Variants in NUP160 observed in about 807,000 individuals in gnomAD.
The protein encoded by NUP160 is nucleoporin 160, also known as nuclear pore complex protein Nup160.
Under a neutral mutation model 196.9 loss-of-function variants are expected in NUP160, and 94 were observed. The observed-to-expected ratio is 0.48, with a 90% confidence interval of 0.40 to 0.57. The LOEUF is 0.57. Ranked by LOEUF, NUP160 falls within the 20% of genes least tolerant of loss-of-function variation. The pLI, the probability that NUP160 is intolerant of heterozygous loss-of-function variation, is 0.00. For synonymous variants in NUP160, 605 were observed against 619.7 expected, an observed-to-expected ratio of 0.98 and a Z score of 0.35; for missense variants, 1,638 against 1,748.3, an observed-to-expected ratio of 0.94 and a Z score of 1.13.
In NUP160 at chr11:47,832,723, C is replaced by T. The variant is rs114131101; in HGVS notation, c.1101+2928G>A. 4.2e-3 allele frequency among the ~76,000 whole-genome samples: 638 copies of T among 152,338 alleles called. 1 individual carries two copies. Among genetic ancestry groups the T allele is most frequent in the African/African-American group, 0.015 (622 of 41,566 alleles). ...TCTGATTTGAGTTAACAGTAAAACT[C>T]CGGTCTCCTGTTTAGCTGGCTCTAT... On this transcript the variant is annotated intron_variant, in intron 7 of 35. Coordinates refer to ENST00000378460, the Ensembl canonical transcript of NUP160.
intron 5 of NUP160, 54 bp downstream of exon 5, chr11:47,837,491 T>G (rs531908407): frequency 7.3e-7 from 1 of 1,365,026 alleles, no homozygotes; most frequent in Non-Finnish European, 1.0e-6. Context: ...TGCCGACCAG[T>G]GCAAAAAGAT....
In NUP160 at chr11:47,791,925, C is replaced by CT. The variant is rs2097668120; in HGVS notation, c.3511+4dup. On this transcript the variant is annotated splice_donor_region_variant and intron_variant, in intron 29 of 35. Transcript: ENST00000378460. ...CAAAGAACCAGTGTGAGACTCCTGA[C>CT]TCACTGGGGGCAGCTGTGCATTCTC... is the stretch of plus-strand genomic sequence containing the variant. 1 of 1,605,002 alleles carries CT rather than the reference C, an allele frequency of 6.2e-7. No individual in the cohort carries two copies. Among genetic ancestry groups the CT allele is most frequent in the African/African-American group, 1.3e-5 (1 of 74,640 alleles).
Position 47,778,842 on chromosome 11 carries a change from T to C in NUP160, c.*263A>G, listed in dbSNP as rs541204217. 4.1e-5 allele frequency: 12 copies of C among 293,766 alleles called. No homozygotes were observed. In the South Asian group the frequency reaches 8.2e-4, roughly 20 times the overall value. 18.2% of individuals were successfully genotyped at this position (293,766 alleles called of 1,614,324 possible). A position where few individuals can be genotyped will look rare whatever the true frequency, so the allele number is the denominator to read the frequency against. On this transcript the variant is annotated 3_prime_UTR_variant, in exon 36 of 36. Coordinates refer to ENST00000378460, the Ensembl canonical transcript of NUP160. The stretch of plus-strand genomic sequence containing the variant: ...GAATGTCTTCGGTAGTTTAAAAAAA[T>C]ATAAACTCTAAAAAAGCTCGTGAAT...
At position 47,826,921 on chromosome 11, in the gene NUP160, C is replaced by T. The variant is rs1181949158; in HGVS notation, c.1102-4757G>A. 3.9e-5 allele frequency among the ~76,000 whole-genome samples: 6 copies of T among 152,192 alleles called. No homozygotes were observed. The East Asian group carries it at 1.2e-3, about 29-fold the overall frequency. ...GCCTTTTTCACTTTGTTGATATTTG[C>T]ATCAATGATGCAAAATCAGTGGTGG... On this transcript the variant is annotated intron_variant, in intron 7 of 35. Coordinates refer to ENST00000378460, the Ensembl canonical transcript of NUP160.
chr11:47,804,100 G>T (rs1219480257), intron 21 of NUP160, among the ~76,000 whole-genome samples: 1 of 151,580 alleles, frequency 6.6e-6, no homozygotes, highest in East Asian at 1.9e-4. Context: ...AGAATTGCTT[G>T]AACCCAGGAG....
intron 29 of NUP160, among the ~76,000 whole-genome samples, chr11:47,789,353 A>G (rs1003029579): frequency 1.1e-4 from 17 of 152,120 alleles, no homozygotes; most frequent in African/African-American, 4.1e-4. Context: ...CATCTCTATC[A>G]ATAAGAAAGA....
At chr11:47,809,134 G>T (rs1352751413) in intron 17 of NUP160, among the ~76,000 whole-genome samples, 1 of 151,240 alleles carries the variant, frequency 6.6e-6, no homozygotes, top group Admixed American at 6.6e-5. Context: ...CTGAGTGGTG[G>T]TATGTGCCTG....
At chr11:47,808,284 A>G in intron 18 of NUP160, 112 bp downstream of exon 18, 2 of 1,026,408 alleles carry the variant, frequency 1.9e-6, no homozygotes, top group Non-Finnish European at 1.4e-6. Context: ...CTCTGTCTCA[A>G]AACAAAAACA....
chr11:47,798,791 C>T (rs765288164), intron 23 of NUP160, among the ~76,000 whole-genome samples: 1 of 152,048 alleles, frequency 6.6e-6, no homozygotes, highest in Non-Finnish European at 1.5e-5. Flanking sequence ...AATCCTGCCA[C>T]TGCATTTCAG....
intron 4 of NUP160, among the ~76,000 whole-genome samples, chr11:47,838,128 C>T (rs1360684824): frequency 6.6e-6 from 1 of 152,134 alleles, no homozygotes; most frequent in African/African-American, 2.4e-5. Flanking sequence ...CAGGCAGGGG[C>T]ACTGCAATTT....
intron 27 of NUP160, among the ~76,000 whole-genome samples, chr11:47,796,912 C>G (rs573757570): frequency 3.9e-5 from 6 of 152,130 alleles, no homozygotes; most frequent in Non-Finnish European, 8.8e-5. Flanking sequence ...AGGCTGGTCT[C>G]GAACTCCTGA....
chr11:47,803,485 G>A lies in NUP160; in HGVS notation c.2728C>T (p.Arg910Ter), dbSNP rs766361033. 3.1e-6 allele frequency: 5 copies of A among 1,612,210 alleles called. No homozygotes were observed. In the Admixed American group the frequency reaches 5.0e-5, roughly 16 times the overall value. Residue 910 changes from arginine to a stop codon, truncating the protein, a stop_gained, in exon 22 of 36, where the codon CGA (arginine) becomes TGA (stop). Transcript: ENST00000378460. LOFTEE classifies it high-confidence loss of function. ...AGGTAACACCTTCCCAGCATAAATCGACAGGAACCAACATTGACTTGACAC... is the reference window on the plus strand; with the variant it reads ...AGGTAACACCTTCCCAGCATAAATCAACAGGAACCAACATTGACTTGACAC...
chr11:47,786,135 G>C (rs903130979), intron 32 of NUP160, among the ~76,000 whole-genome samples: 1 of 151,994 alleles, frequency 6.6e-6, no homozygotes, highest in East Asian at 1.9e-4. Context: ...TGGAAGAAAT[G>C]GGGGAAAAAA....
chr11:47,788,571 C>A, exon 30 of NUP160: 1 of 1,614,106 alleles, frequency 6.2e-7, no homozygotes, highest in Non-Finnish European at 8.5e-7. Context: ...AACACTCTTT[C>A]TCCAGATCTT....
exon 15 of NUP160, chr11:47,812,904 C>T: frequency 6.2e-7 from 1 of 1,613,210 alleles, no homozygotes; most frequent in South Asian, 1.1e-5. Context: ...ATCATATCTT[C>T]CAGAATCTGC....
intron 7 of NUP160, among the ~76,000 whole-genome samples, chr11:47,834,278 T>TG (rs1852132096): frequency 6.6e-6 from 1 of 152,114 alleles, no homozygotes; most frequent in South Asian, 2.1e-4. Flanking sequence ...TCGAGGAGAC[T>TG]GATCAACAGG....
chr11:47,837,106 CAGA>C (rs1852192213), intron 5 of NUP160, 105 bp from the exon 6 acceptor site: 2 of 627,216 alleles, frequency 3.2e-6, no homozygotes, highest in African/African-American at 3.7e-5. Flanking sequence ...ACACTCTTAG[CAGA>C]AGGACCAAGA....
intron 27 of NUP160, among the ~76,000 whole-genome samples, chr11:47,794,317 C>A (rs976201443): frequency 6.6e-6 from 1 of 152,050 alleles, no homozygotes; most frequent in Non-Finnish European, 1.5e-5. Flanking sequence ...CAGGGTGAAA[C>A]CCCGTCTCTA....
At chr11:47,778,227 T>A (rs2097658685) in exon 36 of NUP160, 1 of 152,438 alleles carries the variant, frequency 6.6e-6, no homozygotes, top group South Asian at 2.1e-4. Flanking sequence ...AGTATACAGA[T>A]TGTTTCCTTA....
Sources: gnomAD v4.1 joint callset for allele counts (sites outside exome capture counted in the v4.1 genomes callset) on GRCh38, gnomAD v4.1.1 for gene constraint, MANE v1.5 for transcripts, NCBI Gene and HGNC (gene_info 2026-07-23, HGNC 2026-07-21) for gene names.